Variants in TRPV4 observed in about 807,000 individuals in gnomAD.
TRPV4 encodes OSM9-like transient receptor potential channel 4.
TRPV4 carries 58 observed loss-of-function variants against 84.1 expected under a neutral mutation model. That is an observed-to-expected ratio of 0.69 (90% CI 0.56 to 0.86). TRPV4 has a LOEUF of 0.86. Ranked by LOEUF, TRPV4 falls within the 40% of genes least tolerant of loss-of-function variation. The pLI is 0.00. For missense variants in TRPV4, 879 were observed against 1,181.1 expected (o/e 0.74, Z 3.75); for synonymous variants, 489 against 500.9 (o/e 0.98, Z 0.32).
chr12:109,806,143 C>T (rs147766164), intron 3 of TRPV4, among the ~76,000 whole-genome samples: 89 of 152,304 alleles, frequency 5.8e-4, no homozygotes, highest in African/African-American at 2.0e-3. Flanking sequence ...AACGAGGCCA[C>T]GTCGCGTGGC....
chr12:109,791,948 T>C (rs1462258909), intron 12 of TRPV4, among the ~76,000 whole-genome samples: 4 of 151,486 alleles, frequency 2.6e-5, no homozygotes, highest in Admixed American at 2.6e-4. Flanking sequence ...AAGAACTCAG[T>C]GGCCAGGCGC....
chr12:109,814,759 C>G lies in TRPV4; in HGVS notation c.38G>C (p.Gly13Ala). ...ATCCCCGGGGAGCTCAGCCACCTCCCCGGGCCCCGCGCGGGGGCCTTCGCT... is the reference window on the plus strand; with the variant it reads ...ATCCCCGGGGAGCTCAGCCACCTCCGCGGGCCCCGCGCGGGGGCCTTCGCT... ...DSSEGPRAGP[G>A]EVAELPGDES... is the part of the protein sequence containing the mutation. The change falls in exon 2 of 16, where the codon GGG becomes GCG. Residue 13 changes from glycine (G) to alanine (A), a missense_variant. Gly to Ala is a moderately conservative substitution (Grantham distance 60). Transcript: ENST00000261740. This position sits in a 1 kb window ranked among gnomAD's most constrained non-coding sequence, Gnocchi z 5.4. The G allele has an allele frequency of 6.4e-7, 1 of 1,564,878 alleles. No individual in the cohort carries two copies. Among genetic ancestry groups the G allele is most frequent in the Non-Finnish European group, 8.6e-7 (1 of 1,157,402 alleles).
intron 2 of TRPV4, among the ~76,000 whole-genome samples, chr12:109,808,756 T>TATCC (rs531823571): frequency 9.3e-5 from 14 of 150,006 alleles, no homozygotes; most frequent in Admixed American, 4.6e-4. Context: ...CCCATCCATC[T>TATCC]ATCCATCCAT....
At chr12:109,826,885 C>T (rs2136715930) in intron 1 of TRPV4, among the ~76,000 whole-genome samples, 1 of 152,310 alleles carries the variant, frequency 6.6e-6, no homozygotes, top group South Asian at 2.1e-4. Context: ...CACAAAGTGG[C>T]CTCAAAGCAC....
chr12:109,802,330 T>C (rs1890840033), intron 4 of TRPV4, among the ~76,000 whole-genome samples: 3 of 149,452 alleles, frequency 2.0e-5, no homozygotes, highest in African/African-American at 7.4e-5. Context: ...GAGATGAGTC[T>C]TGCTCTTGTT....
intron 2 of TRPV4, among the ~76,000 whole-genome samples, chr12:109,809,204 G>A (rs1467247846): frequency 8.7e-4 from 73 of 84,128 alleles, no homozygotes; most frequent in African/African-American, 3.0e-3. Context: ...TTATCCATCC[G>A]TCCATCACTC....
In TRPV4 at chr12:109,786,724, G is replaced by A; in HGVS notation, c.2322C>T (p.Arg774=). 2 of 1,613,872 alleles carry A rather than the reference G, an allele frequency of 1.2e-6. No homozygotes were observed. Among genetic ancestry groups the A allele is most frequent in the Non-Finnish European group, 1.7e-6 (2 of 1,180,024 alleles). ...VGKSSDGTPD[R]RWCFRVDEVN... ...CCCAGCCTCACCTGAAGCACCACCT[G>A]CGGTCAGGAGTGCCGTCCGAGCTCT... is the stretch of plus-strand genomic sequence containing the variant. The change falls in exon 14 of 16, where the codon CGC becomes CGT. Residue 774 remains arginine (R), a synonymous_variant. Transcript: ENST00000261740. The surrounding 1 kb of genome is among the most constrained non-coding windows in gnomAD (Gnocchi z 4.5).
rs865910721 is a variant in TRPV4, at chr12:109,800,508, G to T, written c.853+110C>A. On this transcript the variant is annotated intron_variant, in intron 5 of 15. Transcript: ENST00000261740. ...TGCTGCCTGCGCTCATGGCCAGAGTGGCCCTGGGTGTCTGGGTGATGGTCA... is the reference window on the plus strand; with the variant it reads ...TGCTGCCTGCGCTCATGGCCAGAGTTGCCCTGGGTGTCTGGGTGATGGTCA... 5.7e-6 allele frequency: 8 copies of T among 1,397,534 alleles called. 1 individual carries two copies. The South Asian group carries it at 8.8e-5, about 15-fold the overall frequency. The allele number at this position is 1,397,534 out of a possible 1,614,324, so 86.6% of individuals were successfully genotyped here.
chr12:109,828,009 G>A (rs1279118946), intron 1 of TRPV4, among the ~76,000 whole-genome samples: 2 of 152,238 alleles, frequency 1.3e-5, no homozygotes, highest in Admixed American at 6.5e-5. Context: ...GTGGAACCCA[G>A]GCCACTCCAC....
In TRPV4 at chr12:109,815,398, T is replaced by C. The variant is rs1010882097; in HGVS notation, c.-31-571A>G. On this transcript the variant is annotated intron_variant, in intron 1 of 15. Transcript: ENST00000261740. The surrounding 1 kb of genome is among the most constrained non-coding windows in gnomAD (Gnocchi z 4.1). ...GCACAGGAGGGGCTCAGAAAATCCA[T>C]GTGGACTTGCTGTGTAGGCCGGCAG... 1.3e-5 allele frequency among the ~76,000 whole-genome samples: 2 copies of C among 152,354 alleles called. No homozygotes were observed. The highest frequency in any genetic ancestry group is 1.3e-4 in the Admixed American group (2 of 15,306).
At position 109,798,512 on chromosome 12, in the gene TRPV4, T is replaced by C. The variant is rs1890554313; in HGVS notation, c.1152+102A>G. On this transcript the variant is annotated intron_variant, in intron 6 of 15. Transcript: ENST00000261740. This position sits in a 1 kb window ranked among gnomAD's most constrained non-coding sequence, Gnocchi z 5.0. ...ACACTGGGGTTGGCATGTTGGGAGG[T>C]GCATGCACGTATTAATAATGAATAC... is the stretch of plus-strand genomic sequence containing the variant. 4 of 1,427,116 alleles carry C rather than the reference T, an allele frequency of 2.8e-6. No homozygotes were observed. Among genetic ancestry groups the C allele is most frequent in the East Asian group, 2.4e-5 (1 of 42,098 alleles). 88.4% of individuals were successfully genotyped at this position (1,427,116 alleles called of 1,614,324 possible).
At chr12:109,807,437 G>A (rs1363006292) in intron 3 of TRPV4, among the ~76,000 whole-genome samples, 1 of 148,412 alleles carries the variant, frequency 6.7e-6, no homozygotes, top group South Asian at 2.1e-4. Context: ...CTGGAGTGCA[G>A]TGGCATGATC....
chr12:109,815,746 C>T lies in TRPV4; in HGVS notation c.-31-919G>A, dbSNP rs1891810977. On this transcript the variant is annotated intron_variant, in intron 1 of 15. Coordinates refer to ENST00000261740, the MANE Select transcript of TRPV4 (RefSeq NM_021625.5). This position sits in a 1 kb window ranked among gnomAD's most constrained non-coding sequence, Gnocchi z 4.1. ...GAGGCAGGAAATGTATCTGTCTTGT[C>T]CATCCCTGAGTCCTCACACAAATGA... Among the ~76,000 whole-genome samples, 2 of 152,260 alleles carry T rather than the reference C, an allele frequency of 1.3e-5. No individual in the cohort carries two copies. Among genetic ancestry groups the T allele is most frequent in the South Asian group, 4.1e-4 (2 of 4,832 alleles).
intron 12 of TRPV4, among the ~76,000 whole-genome samples, chr12:109,791,246 G>A (rs995849163): frequency 5.3e-5 from 8 of 151,942 alleles, no homozygotes; most frequent in Non-Finnish European, 1.0e-4. Flanking sequence ...AGCCATGCGT[G>A]GTGGCACACG....
intron 2 of TRPV4, among the ~76,000 whole-genome samples, chr12:109,813,256 A>G (rs758734317): frequency 1.4e-4 from 22 of 151,876 alleles, no homozygotes; most frequent in South Asian, 1.0e-3. Flanking sequence ...CTAAAAATAC[A>G]AAAAAAATTA....
intron 15 of TRPV4, 102 bp downstream of exon 15, chr12:109,784,214 G>T: frequency 6.4e-7 from 1 of 1,565,500 alleles, no homozygotes; most frequent in Non-Finnish European, 8.7e-7. Flanking sequence ...CTCTCATTCT[G>T]TAGACACGGA....
chr12:109,798,593 T>G lies in TRPV4; in HGVS notation c.1152+21A>C. 6.2e-7 allele frequency: 1 copy of G among 1,608,224 alleles called. No homozygotes were observed. The highest frequency in any genetic ancestry group is 8.5e-7 in the Non-Finnish European group (1 of 1,179,974). The stretch of plus-strand genomic sequence containing the variant: ...GGGGTACGAGTAGGTGGATCAGCTG[T>G]GCCCCCAGCCGCACACTCACCCCAA... On this transcript the variant is annotated intron_variant, in intron 6 of 15. Transcript: ENST00000261740. The surrounding 1 kb of genome is among the most constrained non-coding windows in gnomAD (Gnocchi z 5.0).
In TRPV4 at chr12:109,794,428, G is replaced by T. The variant is rs182609216; in HGVS notation, c.1392C>A (p.Arg464=). 6.2e-7 allele frequency: 1 copy of T among 1,614,090 alleles called. No homozygotes were observed. The highest frequency in any genetic ancestry group is 8.5e-7 in the Non-Finnish European group (1 of 1,180,020). The change falls in exon 8 of 16, where the codon CGC becomes CGA. Residue 464 remains arginine, a synonymous_variant. Transcript: ENST00000261740. ...TGTAGAAGGAGACGGCCCCGAACTT[G>T]CGCCACTTGTCCCGCAGCAGTTCAT... is the stretch of plus-strand genomic sequence containing the variant. ...PINELLRDKW[R]KFGAVSFYIN... is the part of the protein sequence containing the mutation.
intron 3 of TRPV4, among the ~76,000 whole-genome samples, chr12:109,804,398 C>T (rs1890995069): frequency 6.6e-6 from 1 of 152,154 alleles, no homozygotes; most frequent in Non-Finnish European, 1.5e-5. Context: ...AGGTTTGAGG[C>T]CTGGCTTTGC....
Sources: gnomAD v4.1 joint callset for allele counts (sites outside exome capture counted in the v4.1 genomes callset) on GRCh38, gnomAD v4.1.1 for gene constraint, Gnocchi (gnomAD v3.1) non-coding constraint, MANE v1.5 for transcripts, NCBI Gene and HGNC (gene_info 2026-07-23, HGNC 2026-07-21) for gene names.